ERBB4: variants seen among roughly 807,000 people sequenced by gnomAD.
ERBB4 encodes the protein receptor tyrosine-protein kinase erbB-4.
In ERBB4, 42 loss-of-function variants were observed where a neutral mutation model predicts 158.0. The observed-to-expected ratio is 0.27, with a 90% CI of 0.21 to 0.34. The LOEUF is 0.34. Among genes scored for constraint, ERBB4 ranks in the 10% least tolerant of loss-of-function variants. The pLI is 1.00. For missense variants in ERBB4, 1,333 were observed against 1,624.1 expected, an observed-to-expected ratio of 0.82 and a Z score of 3.08; for synonymous variants, 583 against 558.7, an observed-to-expected ratio of 1.04 and a Z score of -0.61.
At chr2:211,737,583 T>C (rs13025068) in intron 5 of ERBB4, among the ~76,000 whole-genome samples, 27,684 of 152,142 alleles carry the variant, frequency 0.18, 3,053 homozygotes, top group South Asian at 0.35. Flanking sequence ...CTTTACGTAA[T>C]AGCTGTGCCA....
At chr2:211,875,819 C>T (rs2078484193) in intron 3 of ERBB4, among the ~76,000 whole-genome samples, 1 of 152,080 alleles carries the variant, frequency 6.6e-6, no homozygotes, top group Non-Finnish European at 1.5e-5. Flanking sequence ...TTCTACTGTA[C>T]CTTTTCTATG....
chr2:212,010,020 T>C (rs1345739728), intron 2 of ERBB4, among the ~76,000 whole-genome samples: 1 of 152,234 alleles, frequency 6.6e-6, no homozygotes, highest in African/African-American at 2.4e-5. Context: ...AATCAATTCT[T>C]GTTAACAGGG....
chr2:212,211,758 G>C (rs1025781893), intron 1 of ERBB4, among the ~76,000 whole-genome samples: 13 of 151,850 alleles, frequency 8.6e-5, no homozygotes, highest in African/African-American at 3.1e-4. Flanking sequence ...GGCCTGGTGT[G>C]TATTGTTCCC....
At chr2:211,553,997 T>C (rs2067172086) in intron 20 of ERBB4, among the ~76,000 whole-genome samples, 1 of 152,228 alleles carries the variant, frequency 6.6e-6, no homozygotes, top group Non-Finnish European at 1.5e-5. Context: ...ATAAAACATG[T>C]TCTCATGAAG....
intron 1 of ERBB4, among the ~76,000 whole-genome samples, chr2:212,237,584 C>T (rs935556285): frequency 9.2e-5 from 14 of 152,128 alleles, no homozygotes; most frequent in East Asian, 3.9e-4. Flanking sequence ...GGCAGTCTGT[C>T]GCTTATCAGA....
intron 3 of ERBB4, among the ~76,000 whole-genome samples, chr2:211,842,254 G>GA (rs146340452): frequency 6.6e-6 from 1 of 150,740 alleles, no homozygotes; most frequent in Non-Finnish European, 1.5e-5. Flanking sequence ...AAGGCTGTTG[G>GA]GTTTTTTTTT....
intron 1 of ERBB4, among the ~76,000 whole-genome samples, chr2:212,472,632 A>T (rs1283415443): frequency 6.6e-6 from 1 of 151,802 alleles, no homozygotes; most frequent in Non-Finnish European, 1.5e-5. Flanking sequence ...AACTATCTAC[A>T]CGTAAAGGAA....
chr2:212,511,967 C>T (rs1560520482), intron 1 of ERBB4, among the ~76,000 whole-genome samples: 1 of 152,108 alleles, frequency 6.6e-6, no homozygotes, highest in Non-Finnish European at 1.5e-5. Context: ...GGTAGTGCTT[C>T]CCCTGTGTTT....
chr2:211,994,021 G>A (rs1332639243), intron 2 of ERBB4, among the ~76,000 whole-genome samples: 1 of 151,422 alleles, frequency 6.6e-6, no homozygotes, highest in African/African-American at 2.4e-5. Context: ...TCATCAAAAG[G>A]GGCATACATA....
At chr2:212,030,568 T>C (rs944168013) in intron 2 of ERBB4, among the ~76,000 whole-genome samples, 2 of 151,950 alleles carry the variant, frequency 1.3e-5, no homozygotes, top group Non-Finnish European at 2.9e-5. Context: ...GAAACAAGGG[T>C]AGGGAAATAG....
At chr2:212,009,185 A>G (rs533836153) in intron 2 of ERBB4, among the ~76,000 whole-genome samples, 61 of 152,156 alleles carry the variant, frequency 4.0e-4, no homozygotes, top group African/African-American at 1.4e-3. Flanking sequence ...TCTACCTGGA[A>G]CCCATGAATG....
chr2:212,405,535 G>A (rs1020203901), intron 1 of ERBB4, among the ~76,000 whole-genome samples: 22 of 151,994 alleles, frequency 1.4e-4, no homozygotes, highest in Non-Finnish European at 2.2e-4. Flanking sequence ...ACATGCACAC[G>A]AATGTTCATG....
intron 1 of ERBB4, among the ~76,000 whole-genome samples, chr2:212,437,386 G>A (rs1035244471): frequency 9.2e-5 from 14 of 151,524 alleles, no homozygotes; most frequent in African/African-American, 3.4e-4. Context: ...GATGGCTTAT[G>A]TAGCAATTTT....
At chr2:212,037,497 A>G (rs2077042481) in intron 2 of ERBB4, among the ~76,000 whole-genome samples, 2 of 152,224 alleles carry the variant, frequency 1.3e-5, no homozygotes, top group African/African-American at 4.8e-5. Flanking sequence ...TTATAAGTGT[A>G]TCCCAAAGCC....
chr2:211,741,317 T>C (rs960686561), intron 5 of ERBB4, among the ~76,000 whole-genome samples: 3 of 152,202 alleles, frequency 2.0e-5, no homozygotes, highest in Non-Finnish European at 2.9e-5. Context: ...CAATGTCCTA[T>C]TAGTAATCCT....
chr2:211,596,144 C>T (rs994527750), intron 19 of ERBB4, among the ~76,000 whole-genome samples: 3 of 151,582 alleles, frequency 2.0e-5, no homozygotes, highest in Non-Finnish European at 4.4e-5. Flanking sequence ...AATTAAACTA[C>T]ATGTTTAATT....
intron 1 of ERBB4, among the ~76,000 whole-genome samples, chr2:212,375,185 C>G (rs1267995623): frequency 6.6e-6 from 1 of 151,908 alleles, no homozygotes; most frequent in African/African-American, 2.4e-5. Context: ...ATGGATATGA[C>G]AAGTCTTACA....
chr2:212,036,184 G>T (rs908633098), intron 2 of ERBB4, among the ~76,000 whole-genome samples: 2 of 152,104 alleles, frequency 1.3e-5, no homozygotes, highest in African/African-American at 4.8e-5. Context: ...TGAGAAGACA[G>T]TTAGCCTACT....
intron 2 of ERBB4, among the ~76,000 whole-genome samples, chr2:212,022,645 G>A (rs1338586349): frequency 2.0e-5 from 3 of 151,930 alleles, no homozygotes; most frequent in Admixed American, 2.0e-4. Flanking sequence ...ATTTACCTAT[G>A]TAACAAACCT....
Sources: allele counts gnomAD v4.1 joint callset (sites outside exome capture counted in the v4.1 genomes callset), GRCh38; gene constraint gnomAD v4.1.1; transcripts MANE v1.5; gene names NCBI Gene and HGNC (gene_info 2026-07-23, HGNC 2026-07-21).